SURF4: variants seen among roughly 807,000 people sequenced by gnomAD.
SURF4 encodes the protein surfeit 4.
A neutral mutation model predicts 30.0 loss-of-function variants in SURF4; 3 were observed. The ratio of observed to expected loss-of-function variants is 0.10; its 90% CI spans 0.05 to 0.26. The LOEUF is 0.26. Among genes scored for constraint, SURF4 ranks in the 10% least tolerant of loss-of-function variants. The pLI is 1.00. For missense variants in SURF4, 217 were observed against 350.8 expected (o/e 0.62, Z 3.05); for synonymous variants, 143 against 139.9 (o/e 1.02, Z -0.16).
At chr9:133,365,284 C>T (rs587692057) in intron 4 of SURF4, among the ~76,000 whole-genome samples, 1 of 152,212 alleles carries the variant, frequency 6.6e-6, no homozygotes, top group Non-Finnish European at 1.5e-5. Context: ...CCTGAACACA[C>T]ACACAACCGA....
intron 1 of SURF4, among the ~76,000 whole-genome samples, chr9:133,373,175 G>A (rs1837608676): frequency 6.6e-6 from 1 of 152,182 alleles, no homozygotes; most frequent in African/African-American, 2.4e-5. Context: ...CTTGGTCTTG[G>A]TCACAGGCAA....
chr9:133,364,308 C>G (rs1837025175), intron 5 of SURF4, among the ~76,000 whole-genome samples: 1 of 152,160 alleles, frequency 6.6e-6, no homozygotes, highest in Admixed American at 6.5e-5. Context: ...CACACTCCAC[C>G]AAGGTCAGAG....
Position 133,376,036 on chromosome 9 carries a change from AC to A in SURF4, c.-68del, listed in dbSNP as rs1035465519. On this transcript the variant is annotated 5_prime_UTR_variant, in exon 1 of 6. Transcript: ENST00000371989. ...CTGGCTCTCGCCCGTCGGCGCCCGC[AC>A]CCGCTGCGGCCTCCACAGGAAGTGC... 6 of 1,164,368 alleles carry A rather than the reference AC, an allele frequency of 5.2e-6. No individual in the cohort carries two copies. The highest frequency in any genetic ancestry group is 6.3e-6 in the Non-Finnish European group (6 of 947,608). 72.1% of individuals were successfully genotyped at this position (1,164,368 alleles called of 1,614,324 possible).
intron 1 of SURF4, among the ~76,000 whole-genome samples, chr9:133,375,651 C>CG (rs1395951716): frequency 6.6e-6 from 1 of 152,140 alleles, no homozygotes; most frequent in Non-Finnish European, 1.5e-5. Context: ...GCCCGCGCCC[C>CG]GGGCTGGCTG....
rs2130139394 is a variant in SURF4 at position 133,367,314 on chromosome 9, G to A, written c.180C>T (p.Asn60=). Reference sequence around the variant, plus strand: ...AGGACGAGGCCAGCAGGTAGCCGCAGTTCCAGGTGGTGTCGATGTAGTCGC... The same window carrying A: ...AGGACGAGGCCAGCAGGTAGCCGCAATTCCAGGTGGTGTCGATGTAGTCGC... The part of the protein sequence containing the change: ...EQRDYIDTTW[N]CGYLLASSFV... Residue 60 remains asparagine (N), a synonymous_variant, in exon 2 of 6, where the codon AAC becomes AAT. Coordinates refer to ENST00000371989, the MANE Select transcript of SURF4 (RefSeq NM_033161.4). 3 of 1,614,272 alleles carry A rather than the reference G, an allele frequency of 1.9e-6. No individual in the cohort carries two copies. The South Asian group carries it at 3.3e-5, about 18-fold the overall frequency.
chr9:133,367,326 G>A lies in SURF4; in HGVS notation c.168C>T (p.Asp56=). ...FQWSEQRDYI[D]TTWNCGYLLA... ...GCAGGTAGCCGCAGTTCCAGGTGGTGTCGATGTAGTCGCGCTGCTCGCTCC... is the reference window on the plus strand; with the variant it reads ...GCAGGTAGCCGCAGTTCCAGGTGGTATCGATGTAGTCGCGCTGCTCGCTCC... The change falls in exon 2 of 6, where the codon GAC becomes GAT. Residue 56 remains aspartate (D), a synonymous_variant. Transcript: ENST00000371989. 2 of 1,614,268 alleles carry A rather than the reference G, an allele frequency of 1.2e-6. No individual in the cohort carries two copies. The highest frequency in any genetic ancestry group is 1.7e-6 in the Non-Finnish European group (2 of 1,180,054).
At position 133,366,623 on chromosome 9, in the gene SURF4, C is replaced by T; in HGVS notation, c.288G>A (p.Gly96=). The T allele has an allele frequency of 2.5e-6, 4 of 1,613,938 alleles. No homozygotes were observed. Among genetic ancestry groups the T allele is most frequent in the Non-Finnish European group, 3.4e-6 (4 of 1,180,022 alleles). The part of the protein sequence containing the change: ...SRNFVQYACF[G]LFGIIALQTI... ...CCTGCAGAGCTATGATTCCAAAGAGCCCGAAGCAGGCGTACTGCACGAAGT... is the reference window on the plus strand; with the variant it reads ...CCTGCAGAGCTATGATTCCAAAGAGTCCGAAGCAGGCGTACTGCACGAAGT... The change falls in exon 3 of 6, where the codon GGG becomes GGA. Residue 96 remains glycine, a synonymous_variant. Transcript: ENST00000371989.
intron 1 of SURF4, among the ~76,000 whole-genome samples, chr9:133,370,264 G>A (rs1296071366): frequency 6.6e-6 from 1 of 152,242 alleles, no homozygotes; most frequent in African/African-American, 2.4e-5. Flanking sequence ...AGGTGGGACA[G>A]GCAATTCACA....
Position 133,363,154 on chromosome 9 carries a change from C to T in SURF4, c.*339G>A. 1.8e-6 allele frequency: 1 copy of T among 560,680 alleles called. No individual in the cohort carries two copies. Among genetic ancestry groups the T allele is most frequent in the South Asian group, 2.0e-5 (1 of 49,218 alleles). 34.7% of individuals were successfully genotyped at this position (560,680 alleles called of 1,614,324 possible). On this transcript the variant is annotated 3_prime_UTR_variant, in exon 6 of 6. Transcript: ENST00000371989. The surrounding 1 kb of genome is among the most constrained non-coding windows in gnomAD (Gnocchi z 4.3). ...ACCAATGCGTCTGCTCACAGTACAG[C>T]TTGAAGGCCCCCTCCTGTACCCCCA...
upstream of SURF4, among the ~76,000 whole-genome samples, chr9:133,376,761 G>T (rs111976431): frequency 1.4e-4 from 21 of 152,302 alleles, 1 homozygote; most frequent in Middle Eastern, 3.4e-3. Context: ...CCCCCTTTGT[G>T]AATTGACTAA....
intron 1 of SURF4, chr9:133,372,459 G>A (rs1219916528): frequency 7.5e-6 from 3 of 397,378 alleles, no homozygotes; most frequent in Non-Finnish European, 1.0e-5. Context: ...AGATGGTGAC[G>A]CTCTGGCCAA....
At chr9:133,366,207 A>G (rs118163686) in intron 3 of SURF4, 179 bp from the exon 4 acceptor site, 781 of 616,330 alleles carry the variant, frequency 1.3e-3, no homozygotes, top group Non-Finnish European at 1.8e-3. Flanking sequence ...TTCTCAAGAA[A>G]TGTGCTATGA....
intron 3 of SURF4, 65 bp from the exon 4 acceptor site, chr9:133,366,093 A>G: frequency 6.7e-7 from 1 of 1,496,604 alleles, no homozygotes; most frequent in Admixed American, 1.7e-5. Context: ...CACAGACTTC[A>G]TAATACATTA....
At chr9:133,367,554 C>A in intron 1 of SURF4, 109 bp from the exon 2 acceptor site, 1 of 1,566,874 alleles carries the variant, frequency 6.4e-7, no homozygotes, top group Non-Finnish European at 8.6e-7. Flanking sequence ...CTGTGGAAGG[C>A]AAGAGCTCTT....
In SURF4 at chr9:133,363,038, T is replaced by C; in HGVS notation, c.*455A>G. The C allele has an allele frequency of 3.5e-6, 1 of 286,216 alleles. No homozygotes were observed. The highest frequency in any genetic ancestry group is 3.8e-5 in the South Asian group (1 of 26,602). The allele number at this position is 286,216 out of a possible 1,614,324, so 17.7% of individuals were successfully genotyped here. A position where few individuals can be genotyped will look rare whatever the true frequency, so the allele number is the denominator to read the frequency against. On this transcript the variant is annotated 3_prime_UTR_variant, in exon 6 of 6. Transcript: ENST00000371989. This position sits in a 1 kb window ranked among gnomAD's most constrained non-coding sequence, Gnocchi z 4.3. ...TTTAAACCAGGGAGATTAACTGTTTTGAGGTTTGGCTGAACCACCCAAAAT... is the reference window on the plus strand; with the variant it reads ...TTTAAACCAGGGAGATTAACTGTTTCGAGGTTTGGCTGAACCACCCAAAAT...
In SURF4 at chr9:133,363,666, A is replaced by C. The variant is rs1268904293; in HGVS notation, c.637T>G (p.Phe213Val). Residue 213 changes from phenylalanine (F) to valine (V), a missense_variant, in exon 6 of 6, where the codon TTT becomes GTT. By Grantham distance (50) the Phe-to-Val change is conservative (BLOSUM62 -1). Coordinates refer to ENST00000371989, the MANE Select transcript of SURF4 (RefSeq NM_033161.4). The surrounding 1 kb of genome is among the most constrained non-coding windows in gnomAD (Gnocchi z 4.3). Reference protein sequence around the residue: ...LAALTLVVWLFAINVYFNAFW... With the variant: ...LAALTLVVWLVAINVYFNAFW... ...GCGTTGAAATATACGTTGATGGCAAAGAGCCACACAACAAGAGTCAAAGCA... is the reference window on the plus strand; with the variant it reads ...GCGTTGAAATATACGTTGATGGCAACGAGCCACACAACAAGAGTCAAAGCA... The C allele has an allele frequency of 3.1e-6, 5 of 1,614,262 alleles. No individual in the cohort carries two copies. Among genetic ancestry groups the C allele is most frequent in the Non-Finnish European group, 4.2e-6 (5 of 1,180,046 alleles).
Position 133,363,622 on chromosome 9 carries a change from G to C in SURF4, c.681C>G (p.Val227=). ...TCAGGAAGTCATGCATGGGCTTGTA[G>C]ACTGGAATGGTCCAGAAGGCGTTGA... ...VYFNAFWTIP[V]YKPMHDFLKY... Residue 227 remains valine (V), a synonymous_variant, in exon 6 of 6, where the codon GTC becomes GTG. Coordinates refer to ENST00000371989, the MANE Select transcript of SURF4 (RefSeq NM_033161.4). This position sits in a 1 kb window ranked among gnomAD's most constrained non-coding sequence, Gnocchi z 4.3. 6.2e-7 allele frequency: 1 copy of C among 1,614,190 alleles called. No homozygotes were observed. The highest frequency in any genetic ancestry group is 1.1e-5 in the South Asian group (1 of 91,084).
At chr9:133,367,580 T>G (rs1438956332) in intron 1 of SURF4, 135 bp from the exon 2 acceptor site, 2 of 1,531,662 alleles carry the variant, frequency 1.3e-6, no homozygotes, top group African/African-American at 1.4e-5. Flanking sequence ...CCCCGGTGCC[T>G]TCCCAGGGCA....
chr9:133,372,392 C>CA (rs1424438646), intron 1 of SURF4, among the ~76,000 whole-genome samples: 1 of 152,250 alleles, frequency 6.6e-6, no homozygotes, highest in African/African-American at 2.4e-5. Flanking sequence ...GATGCGGACT[C>CA]AGTCTCCAGG....
Sources: gnomAD v4.1 joint callset for allele counts (sites outside exome capture counted in the v4.1 genomes callset) on GRCh38, gnomAD v4.1.1 for gene constraint, Gnocchi (gnomAD v3.1) non-coding constraint, MANE v1.5 for transcripts, NCBI Gene and HGNC (gene_info 2026-07-23, HGNC 2026-07-21) for gene names.